SLC4A4: variants seen among roughly 807,000 people sequenced by gnomAD.
The protein encoded by SLC4A4 is electrogenic sodium bicarbonate cotransporter 1.
Under a neutral mutation model 111.5 loss-of-function variants are expected in SLC4A4, and 27 were observed. The observed-to-expected ratio is 0.24, with a 90% confidence interval of 0.18 to 0.33. SLC4A4 has a LOEUF of 0.33. Ranked by LOEUF, SLC4A4 falls within the 10% of genes least tolerant of loss-of-function variation. The pLI is 1.00. For missense variants in SLC4A4, 909 were observed against 1,315.5 expected, an observed-to-expected ratio of 0.69 and a Z score of 4.78; for synonymous variants, 443 against 463.4, an observed-to-expected ratio of 0.96 and a Z score of 0.57.
chr4:71,364,899 ACTT>A (rs1479733711), intron 6 of SLC4A4, among the ~76,000 whole-genome samples: 7 of 152,088 alleles, frequency 4.6e-5, no homozygotes, highest in African/African-American at 4.8e-5. Context: ...TTTGCCTACT[ACTT>A]CATTTATACG....
intron 1 of SLC4A4, among the ~76,000 whole-genome samples, chr4:71,232,401 C>CTT (rs922523642): frequency 6.6e-6 from 1 of 152,056 alleles, no homozygotes; most frequent in African/African-American, 2.4e-5. Context: ...TTTATTTTCT[C>CTT]TTTGTTTCTG....
At chr4:71,164,710 A>G (rs1412837008) in intron 2 of SLC4A4, among the ~76,000 whole-genome samples, 1 of 152,168 alleles carries the variant, frequency 6.6e-6, no homozygotes. Flanking sequence ...AATGGGATCT[A>G]ATTAAACTAA....
At chr4:71,245,606 C>A (rs1276913620) in intron 2 of SLC4A4, among the ~76,000 whole-genome samples, 1 of 151,928 alleles carries the variant, frequency 6.6e-6, no homozygotes, top group Non-Finnish European at 1.5e-5. Flanking sequence ...GGAGTTTAGC[C>A]TTTTGTATAT....
intron 1 of SLC4A4, among the ~76,000 whole-genome samples, chr4:71,089,972 T>C (rs12642257): frequency 0.51 from 57,693 of 114,078 alleles, 18,828 homozygotes; most frequent in East Asian, 0.69. Flanking sequence ...GCCTTTTGTT[T>C]GGCTATGCCC....
Position 71,089,501 on chromosome 4 carries a change from C to T in SLC4A4, c.-64-3229C>T, listed in dbSNP as rs186220379. ...ATTTTTAGAGTTTCCAGTTTTTCTG[C>T]TCTGTTTTTTCCCCATCTTTGTGGT... is the stretch of plus-strand genomic sequence containing the variant. On this transcript the variant is annotated intron_variant, in intron 1 of 26. Coordinates refer to the SLC4A4 transcript ENST00000649996. 2.3e-3 allele frequency among the ~76,000 whole-genome samples: 355 copies of T among 152,136 alleles called. 10 individuals carry two copies. Among genetic ancestry groups the T allele is most frequent in the African/African-American group, 8.3e-3 (344 of 41,440 alleles).
chr4:71,351,261 C>T (rs947526582), intron 5 of SLC4A4, among the ~76,000 whole-genome samples: 7 of 152,208 alleles, frequency 4.6e-5, no homozygotes, highest in Non-Finnish European at 1.0e-4. Context: ...TCCCACCCAG[C>T]CTTTCTTCAC....
At chr4:71,296,178 A>C (rs1437699453) in intron 3 of SLC4A4, among the ~76,000 whole-genome samples, 1 of 151,656 alleles carries the variant, frequency 6.6e-6, no homozygotes, top group East Asian at 1.9e-4. Flanking sequence ...TTATTTTCAT[A>C]GTATAAACAA....
At chr4:71,228,547 G>A (rs1031909885) in intron 1 of SLC4A4, among the ~76,000 whole-genome samples, 6 of 152,184 alleles carry the variant, frequency 3.9e-5, no homozygotes, top group African/African-American at 1.2e-4. Flanking sequence ...ACACTGAAGT[G>A]AGAGGTTAGT....
At chr4:71,560,958 C>G (rs1039564067) in intron 23 of SLC4A4, among the ~76,000 whole-genome samples, 1 of 151,718 alleles carries the variant, frequency 6.6e-6, no homozygotes, top group Non-Finnish European at 1.5e-5. Context: ...GATTCTCCAG[C>G]AGGGATCTGT....
intron 1 of SLC4A4, among the ~76,000 whole-genome samples, chr4:71,207,539 AAATG>A (rs1717842973): frequency 6.6e-6 from 1 of 152,232 alleles, no homozygotes; most frequent in African/African-American, 2.4e-5. Flanking sequence ...CAAAAAAACT[AAATG>A]AAGTCACTTG....
At chr4:71,342,612 A>G (rs1372672599) in intron 4 of SLC4A4, among the ~76,000 whole-genome samples, 10 of 152,236 alleles carry the variant, frequency 6.6e-5, no homozygotes, top group Admixed American at 5.2e-4. Context: ...TCTTATTTTC[A>G]TCTTGAAGTT....
chr4:71,314,391 A>G (rs184536044), intron 3 of SLC4A4, among the ~76,000 whole-genome samples: 2 of 152,302 alleles, frequency 1.3e-5, no homozygotes, highest in African/African-American at 4.8e-5. Flanking sequence ...CAGAAATAAC[A>G]TTTGACCCAG....
intron 3 of SLC4A4, among the ~76,000 whole-genome samples, chr4:71,317,175 C>T (rs1439613580): frequency 6.6e-6 from 1 of 151,896 alleles, no homozygotes; most frequent in Non-Finnish European, 1.5e-5. Flanking sequence ...GCACATGCAA[C>T]TCTAGGAGGT....
intron 13 of SLC4A4, among the ~76,000 whole-genome samples, chr4:71,467,253 G>A (rs1331099681): frequency 7.2e-5 from 11 of 152,052 alleles, no homozygotes; most frequent in African/African-American, 2.7e-4. Context: ...TGACATGCTA[G>A]AGAAATTAAA....
rs186359499 is a variant in SLC4A4 at position 71,350,440 on chromosome 4, C to T, written c.550+368C>T. Among the ~76,000 whole-genome samples, 1,190 of 151,868 alleles carry T rather than the reference C, an allele frequency of 7.8e-3. 21 individuals are homozygous for T. The highest frequency in any genetic ancestry group is 0.027 in the African/African-American group (1,108 of 41,410). Reference sequence around the variant, plus strand: ...TTGCCCAGGCTGGAGTGCAGTGGCGCGATCTCAGCTCACTGCAACCTCTGC... The same window carrying T: ...TTGCCCAGGCTGGAGTGCAGTGGCGTGATCTCAGCTCACTGCAACCTCTGC... On this transcript the variant is annotated intron_variant, in intron 5 of 25. Coordinates refer to ENST00000264485, the MANE Select transcript of SLC4A4 (RefSeq NM_001098484.3).
At chr4:71,247,125 C>G (rs150127310) in intron 2 of SLC4A4, among the ~76,000 whole-genome samples, 160 of 151,054 alleles carry the variant, frequency 1.1e-3, no homozygotes, top group Middle Eastern at 0.01. Context: ...TCTCATTTAC[C>G]TACATATGTG....
chr4:71,557,858 G>T lies in SLC4A4; in HGVS notation c.2910G>T (p.Thr970=), dbSNP rs140870493. ...CLALLWILKS[T]VAAIIFPVMI... ...CCCTGCTTTGGATCCTCAAGTCAAC[G>T]GTGGCTGCTATCATTTTTCCAGTAA... Residue 970 remains threonine, a synonymous_variant, in exon 22 of 26, where the codon ACG becomes ACT. Coordinates refer to ENST00000264485, the MANE Select transcript of SLC4A4 (RefSeq NM_001098484.3). 6.2e-7 allele frequency: 1 copy of T among 1,612,454 alleles called. No homozygotes were observed. The highest frequency in any genetic ancestry group is 1.1e-5 in the South Asian group (1 of 91,058).
At chr4:71,324,743 G>C (rs1396483359) in intron 3 of SLC4A4, among the ~76,000 whole-genome samples, 3 of 151,942 alleles carry the variant, frequency 2.0e-5, no homozygotes, top group South Asian at 2.1e-4. Context: ...TTTTTGTAAT[G>C]TAAACCCCAG....
chr4:71,475,117 G>A (rs16846392), intron 14 of SLC4A4, among the ~76,000 whole-genome samples: 1,813 of 151,366 alleles, frequency 0.012, 38 homozygotes, highest in African/African-American at 0.04. Context: ...ATTTATTTAC[G>A]ACTTCTTAGG....
Sources: gnomAD v4.1 joint callset for allele counts (sites outside exome capture counted in the v4.1 genomes callset) on GRCh38, gnomAD v4.1.1 for gene constraint, MANE v1.5 for transcripts, NCBI Gene and HGNC (gene_info 2026-07-23, HGNC 2026-07-21) for gene names.